TENT5D: variants seen among roughly 807,000 people sequenced by gnomAD.
The protein encoded by TENT5D is terminal nucleotidyltransferase 5D.
For synonymous variants in TENT5D, 103 were observed against 100.6 expected (o/e 1.02, Z -0.15); for missense variants, 191 against 287.0 (o/e 0.67, Z 2.42).
intron 3 of TENT5D, among the ~76,000 whole-genome samples, chrX:80,405,604 C>T (rs1236347192): frequency 2.4e-4 from 27 of 111,994 alleles, no homozygotes; most frequent in Admixed American, 8.5e-4. Flanking sequence ...GAGGGTCCTA[C>T]GCCCAGGGAG....
chrX:80,392,141 CAGAA>C (rs1013591118), intron 3 of TENT5D, among the ~76,000 whole-genome samples: 12 of 111,801 alleles, frequency 1.1e-4, no homozygotes, highest in African/African-American at 3.2e-4. Flanking sequence ...AATTAAATGG[CAGAA>C]AGAATATAAA....
intron 3 of TENT5D, among the ~76,000 whole-genome samples, chrX:80,406,265 G>A (rs1407134937): frequency 8.9e-6 from 1 of 111,970 alleles, no homozygotes; most frequent in Non-Finnish European, 1.9e-5. Context: ...ACTTCGACGA[G>A]CTGAGAGAAG....
At chrX:80,393,723 C>T (rs766055264) in intron 3 of TENT5D, among the ~76,000 whole-genome samples, 15 of 111,514 alleles carry the variant, frequency 1.3e-4, no homozygotes, top group South Asian at 3.7e-4. Context: ...CATCACCTCC[C>T]AGCCTCTGGT....
intron 1 of TENT5D, among the ~76,000 whole-genome samples, chrX:80,434,806 G>A (rs1161573941): frequency 5.1e-5 from 5 of 97,917 alleles, no homozygotes; most frequent in East Asian, 6.3e-4. Context: ...TTTTTGAGAC[G>A]GAGTCTCTCT....
intron 3 of TENT5D, among the ~76,000 whole-genome samples, chrX:80,386,925 C>G (rs1931025582): frequency 8.9e-6 from 1 of 111,960 alleles, no homozygotes; most frequent in African/African-American, 3.2e-5. Context: ...GTTCAATCTA[C>G]AATTCCGGAC....
chrX:80,442,698 G>T lies in TENT5D; in HGVS notation c.159G>T (p.Gly53=), dbSNP rs778825310. 229 of 1,209,408 alleles carry T rather than the reference G, an allele frequency of 1.9e-4. No homozygotes were observed. In the Admixed American group the frequency reaches 4.9e-3, roughly 26 times the overall value. ...ATGTTGTGAAAGATCAACTCATAGGGCAAGGAATTATTGTTAAAGATGCCA... is the reference window on the plus strand; with the variant it reads ...ATGTTGTGAAAGATCAACTCATAGGTCAAGGAATTATTGTTAAAGATGCCA... The change falls in exon 3 of 3, where the codon GGG becomes GGT. Residue 53 remains glycine, a synonymous_variant. Transcript: ENST00000308293.
chrX:80,369,625 T>G (rs1438735736), intron 3 of TENT5D, among the ~76,000 whole-genome samples: 1 of 112,213 alleles, frequency 8.9e-6, no homozygotes, highest in Non-Finnish European at 1.9e-5. Context: ...AACAACATGG[T>G]TTGCGTTGCA....
chrX:80,368,550 T>C lies in TENT5D; in HGVS notation c.-142+25986T>C, dbSNP rs186441656. Among the ~76,000 whole-genome samples, 214 of 111,947 alleles carry C rather than the reference T, an allele frequency of 1.9e-3. 2 individuals carry two copies. In the Middle Eastern group the frequency reaches 0.028, roughly 14 times the overall value. Reference sequence around the variant, plus strand: ...TGCCTCGTAGGTATTTGAGAATTATTTATTGCAGTCAATTGATTTAAATTT... The same window carrying C: ...TGCCTCGTAGGTATTTGAGAATTATCTATTGCAGTCAATTGATTTAAATTT... On this transcript the variant is annotated intron_variant, in intron 3 of 4. Transcript: ENST00000538312.
intron 1 of TENT5D, among the ~76,000 whole-genome samples, chrX:80,434,271 C>T (rs756563493): frequency 4.1e-4 from 45 of 110,031 alleles, no homozygotes; most frequent in Non-Finnish European, 6.6e-4. Context: ...ATGCCTGCCT[C>T]CTTGTAGGTC....
In TENT5D at chrX:80,435,593, A is replaced by G. The variant is rs1330988891; in HGVS notation, c.-141-3017A>G. 3.6e-5 allele frequency among the ~76,000 whole-genome samples: 4 copies of G among 112,360 alleles called. No homozygotes were observed. In the East Asian group the frequency reaches 1.1e-3, roughly 31 times the overall value. On this transcript the variant is annotated intron_variant, in intron 1 of 2. Transcript: ENST00000308293. ...ACACATTATTGAAGTCAGTCAACAA[A>G]TTTTACCCAAGGTATCTATTTTGAA...
At chrX:80,377,932 C>G (rs1271375010) in intron 3 of TENT5D, among the ~76,000 whole-genome samples, 1 of 111,966 alleles carries the variant, frequency 8.9e-6, no homozygotes, top group Non-Finnish European at 1.9e-5. Context: ...GCCATTCTAA[C>G]TGGTGTGAGA....
At chrX:80,410,917 G>A (rs867560386) in intron 3 of TENT5D, among the ~76,000 whole-genome samples, 95 of 105,338 alleles carry the variant, frequency 9.0e-4, no homozygotes, top group African/African-American at 3.2e-3. Context: ...TGCAGCCATA[G>A]AAAATGATGA....
At chrX:80,415,357 G>A (rs1368548102) in intron 3 of TENT5D, among the ~76,000 whole-genome samples, 1 of 111,578 alleles carries the variant, frequency 9.0e-6, no homozygotes, top group East Asian at 2.8e-4. Flanking sequence ...GGAGTCTTGA[G>A]AATGGGCATA....
rs185698148 is a variant in TENT5D at position 80,352,698 on chromosome X, G to A, written c.-142+10134G>A. On this transcript the variant is annotated intron_variant, in intron 3 of 4. Transcript: ENST00000538312. The stretch of plus-strand genomic sequence containing the variant: ...CTGTCTCTATGGGGTTCCAGGTGCC[G>A]CTGGAGTACGAAGCAAACAAACAAA... 5.4e-3 allele frequency among the ~76,000 whole-genome samples: 489 copies of A among 91,321 alleles called. 8 individuals carry two copies. The highest frequency in any genetic ancestry group is 0.019 in the African/African-American group (449 of 23,434). 79.3% of individuals were successfully genotyped at this position (91,321 alleles called of 115,157 possible). A position where few individuals can be genotyped will look rare whatever the true frequency, so the allele number is the denominator to read the frequency against.
chrX:80,384,635 G>T (rs1487530195), intron 3 of TENT5D, among the ~76,000 whole-genome samples: 8 of 100,019 alleles, frequency 8.0e-5, no homozygotes, highest in Non-Finnish European at 1.6e-4. Flanking sequence ...AAGTCAAATT[G>T]TCCCTGTTTG....
At chrX:80,357,874 C>A (rs938440071) in intron 3 of TENT5D, among the ~76,000 whole-genome samples, 1 of 111,388 alleles carries the variant, frequency 9.0e-6, no homozygotes, top group Non-Finnish European at 1.9e-5. Flanking sequence ...CTAAGCAAAA[C>A]GAACAACGCT....
intron 2 of TENT5D, among the ~76,000 whole-genome samples, chrX:80,340,117 A>G (rs1406808082): frequency 2.7e-5 from 3 of 111,141 alleles, no homozygotes; most frequent in Non-Finnish European, 5.7e-5. Flanking sequence ...TAGGTTTGAG[A>G]ATTGTAGGAT....
At chrX:80,362,710 A>G (rs1930434086) in intron 3 of TENT5D, among the ~76,000 whole-genome samples, 1 of 111,326 alleles carries the variant, frequency 9.0e-6, no homozygotes, top group Non-Finnish European at 1.9e-5. Flanking sequence ...AATACAGCTC[A>G]CTGTGGTCCC....
At chrX:80,367,820 A>G (rs987768588) in intron 3 of TENT5D, among the ~76,000 whole-genome samples, 16 of 111,919 alleles carry the variant, frequency 1.4e-4, no homozygotes, top group African/African-American at 4.9e-4. Context: ...GATAAAGAGC[A>G]GAAAGTGTTT....
Sources: gnomAD v4.1 joint callset for allele counts (sites outside exome capture counted in the v4.1 genomes callset) on GRCh38, gnomAD v4.1.1 for gene constraint, MANE v1.5 for transcripts, NCBI Gene and HGNC (gene_info 2026-07-23, HGNC 2026-07-21) for gene names.